Variants in GALNT7 observed in about 807,000 individuals in gnomAD.
GALNT7 encodes the protein polypeptide N-acetylgalactosaminyltransferase 7.
GALNT7 carries 60 observed loss-of-function variants against 82.1 expected under a neutral mutation model. The observed-to-expected ratio is 0.73, with a 90% CI of 0.59 to 0.91. The LOEUF (loss-of-function observed/expected upper bound fraction) is 0.91. Among genes scored for constraint, GALNT7 ranks in the 40% least tolerant of loss-of-function variants. The pLI, the probability that GALNT7 is intolerant of heterozygous loss-of-function variation, is 0.00. For synonymous variants in GALNT7, 243 were observed against 275.1 expected, an observed-to-expected ratio of 0.88 and a Z score of 1.15; for missense variants, 660 against 804.2, an observed-to-expected ratio of 0.82 and a Z score of 2.17.
chr4:173,178,054 CGCGCACGCGCGT>C (rs1238944994), intron 1 of GALNT7, among the ~76,000 whole-genome samples: 39 of 123,124 alleles, frequency 3.2e-4, no homozygotes, highest in African/African-American at 4.4e-4. Context: ...TGTGTGTGTG[CGCGCACGCGCGT>C]GCGCACAGAC....
intron 1 of GALNT7, among the ~76,000 whole-genome samples, chr4:173,187,874 G>A (rs1332264638): frequency 6.6e-6 from 1 of 152,036 alleles, no homozygotes; most frequent in Non-Finnish European, 1.5e-5. Context: ...AGCCACTCCA[G>A]GATTTTCTCA....
In GALNT7 at chr4:173,235,556, CT is replaced by C. The variant is rs11421248; in HGVS notation, c.127-12410del. ...TCAAGAAAGCCTTTTCTTTTCTTTT[CT>C]TTTTTTTTTTTTTCTTGAGACAGAG... On this transcript the variant is annotated intron_variant, in intron 1 of 11. Coordinates refer to ENST00000265000, the MANE Select transcript of GALNT7 (RefSeq NM_017423.3). Among the ~76,000 whole-genome samples the C allele has an allele frequency of 1.4e-4, 20 of 140,768 alleles. No homozygotes were observed. The Middle Eastern group carries it at 0.015, about 104-fold the overall frequency. The allele number at this position is 140,768 out of a possible 152,430, so 92.3% of individuals were successfully genotyped here.
At chr4:173,187,046 G>A (rs191593320) in intron 1 of GALNT7, among the ~76,000 whole-genome samples, 7 of 152,108 alleles carry the variant, frequency 4.6e-5, no homozygotes, top group Admixed American at 2.6e-4. Context: ...GTGAGCCACC[G>A]CACCCGGCCT....
intron 2 of GALNT7, among the ~76,000 whole-genome samples, chr4:173,261,748 G>A (rs570033201): frequency 3.3e-5 from 5 of 152,258 alleles, no homozygotes; most frequent in East Asian, 1.9e-4. Context: ...GAACCCGGAA[G>A]GTGGAGGCTG....
chr4:173,200,228 CT>C (rs1561151385), intron 1 of GALNT7, among the ~76,000 whole-genome samples: 1 of 152,020 alleles, frequency 6.6e-6, no homozygotes, highest in East Asian at 1.9e-4. Context: ...AGTCAGTCAC[CT>C]TTTGCAACAT....
chr4:173,274,894 C>T (rs577856660), intron 2 of GALNT7, among the ~76,000 whole-genome samples: 1 of 152,306 alleles, frequency 6.6e-6, no homozygotes, highest in Non-Finnish European at 1.5e-5. Flanking sequence ...CTCATGGATG[C>T]TCATGTGCCT....
intron 1 of GALNT7, among the ~76,000 whole-genome samples, chr4:173,175,500 A>C (rs1339096483): frequency 6.6e-6 from 1 of 152,230 alleles, no homozygotes; most frequent in Non-Finnish European, 1.5e-5. Context: ...ACAGTTTTTA[A>C]CAACACAGAC....
chr4:173,280,081 T>G (rs1198222700), intron 2 of GALNT7, among the ~76,000 whole-genome samples: 1 of 152,164 alleles, frequency 6.6e-6, no homozygotes, highest in Non-Finnish European at 1.5e-5. Context: ...ACTTCAGAAT[T>G]AAGGGGAGAG....
chr4:173,199,577 C>G (rs1172641802), intron 1 of GALNT7, among the ~76,000 whole-genome samples: 1 of 152,144 alleles, frequency 6.6e-6, no homozygotes, highest in Non-Finnish European at 1.5e-5. Context: ...TCCTAATGGG[C>G]CCCAGGTTTG....
intron 1 of GALNT7, among the ~76,000 whole-genome samples, chr4:173,196,267 G>A (rs2126646122): frequency 6.6e-6 from 1 of 152,182 alleles, no homozygotes; most frequent in East Asian, 1.9e-4. Flanking sequence ...TGGGATTACA[G>A]GCGCCTGCCA....
chr4:173,222,938 G>C (rs1035711974), intron 1 of GALNT7, among the ~76,000 whole-genome samples: 1 of 152,056 alleles, frequency 6.6e-6, no homozygotes, highest in Non-Finnish European at 1.5e-5. Flanking sequence ...GACTGCTAAG[G>C]TTAGAGGTTA....
chr4:173,173,032 T>A (rs1731926244), intron 1 of GALNT7, among the ~76,000 whole-genome samples: 1 of 152,106 alleles, frequency 6.6e-6, no homozygotes, highest in Non-Finnish European at 1.5e-5. Context: ...TGGGACATAA[T>A]CCTTGCTTAG....
rs199748459 is a variant in GALNT7 at position 173,248,246 on chromosome 4, C to A, written c.393C>A (p.Ile131=). Residue 131 remains isoleucine, a synonymous_variant, in exon 2 of 12, where the codon ATC becomes ATA. Transcript: ENST00000265000. ...TYHDPVLRPG[I]LGNFEPKEPE... ...ATGATCCTGTGCTTCGCCCAGGGAT[C>A]CTCGGTAACTTTGAACCCAAAGAAC... 98 of 1,613,912 alleles carry A rather than the reference C, an allele frequency of 6.1e-5. No individual in the cohort carries two copies. The South Asian group carries it at 9.3e-4, about 15-fold the overall frequency.
At chr4:173,243,441 C>A (rs1033687719) in intron 1 of GALNT7, among the ~76,000 whole-genome samples, 27 of 152,100 alleles carry the variant, frequency 1.8e-4, no homozygotes, top group Admixed American at 1.8e-3. Flanking sequence ...AACAGTGATT[C>A]ATTAGTTTGG....
intron 2 of GALNT7, among the ~76,000 whole-genome samples, chr4:173,281,342 T>A (rs1291811426): frequency 6.6e-6 from 1 of 152,200 alleles, no homozygotes; most frequent in African/African-American, 2.4e-5. Context: ...AGACCCACTA[T>A]GGGGACTTAT....
chr4:173,230,101 T>C (rs1733979342), intron 1 of GALNT7, among the ~76,000 whole-genome samples: 1 of 152,204 alleles, frequency 6.6e-6, no homozygotes, highest in African/African-American at 2.4e-5. Flanking sequence ...CAGAAGAGTA[T>C]GGCAAAATAA....
intron 2 of GALNT7, among the ~76,000 whole-genome samples, chr4:173,280,422 T>G (rs1736070615): frequency 6.6e-6 from 1 of 152,196 alleles, no homozygotes. Flanking sequence ...TGAAATCTAT[T>G]TTTTAAGTTA....
chr4:173,247,692 T>G (rs370944633), intron 1 of GALNT7, among the ~76,000 whole-genome samples: 4 of 152,288 alleles, frequency 2.6e-5, no homozygotes, highest in African/African-American at 4.8e-5. Flanking sequence ...AAAATATGCT[T>G]TATTAAGAGG....
intron 1 of GALNT7, among the ~76,000 whole-genome samples, chr4:173,211,657 C>T (rs769453974): frequency 3.3e-5 from 5 of 152,208 alleles, no homozygotes; most frequent in African/African-American, 7.2e-5. Flanking sequence ...CATGTGTGCA[C>T]GAGCACGTGT....
Sources: allele counts gnomAD v4.1 joint callset (sites outside exome capture counted in the v4.1 genomes callset), GRCh38; gene constraint gnomAD v4.1.1; transcripts MANE v1.5; gene names NCBI Gene and HGNC (gene_info 2026-07-23, HGNC 2026-07-21).